Variants in TENM3 observed in about 807,000 individuals in gnomAD.
TENM3 encodes the protein teneurin-3.
Under a neutral mutation model 255.1 loss-of-function variants are expected in TENM3, and 63 were observed. That is an observed-to-expected ratio of 0.25 (90% CI 0.20 to 0.30). The LOEUF (loss-of-function observed/expected upper bound fraction) is 0.30, where lower values mean the gene tolerates loss of function less well. Ranked by LOEUF, TENM3 falls within the 10% of genes least tolerant of loss-of-function variation. The probability of loss-of-function intolerance (pLI) is 1.00; values close to 1 mark genes in which losing one functional copy is unlikely to be tolerated. For synonymous variants in TENM3, 1,306 were observed against 1,322.3 expected, an observed-to-expected ratio of 0.99 and a Z score of 0.27; for missense variants, 2,929 against 3,461.1, an observed-to-expected ratio of 0.85 and a Z score of 3.86.
chr4:182,326,389 A>G (rs913533289), intron 2 of TENM3, among the ~76,000 whole-genome samples: 3 of 152,148 alleles, frequency 2.0e-5, no homozygotes, highest in African/African-American at 7.2e-5. Flanking sequence ...ATGGCTCCTG[A>G]GAACTAAGCT....
chr4:182,413,913 T>C (rs1770187763), intron 3 of TENM3, among the ~76,000 whole-genome samples: 1 of 152,208 alleles, frequency 6.6e-6, no homozygotes, highest in South Asian at 2.1e-4. Context: ...AAACACTAAT[T>C]ATAACAAATA....
At chr4:182,080,993 A>G in the TENM3 span, among the ~76,000 whole-genome samples, 13 of 152,224 alleles carry the variant, frequency 8.5e-5, no homozygotes, top group South Asian at 2.7e-3. Flanking sequence ...CCTGTCTCAA[A>G]AAAAAACAAA....
the TENM3 span, among the ~76,000 whole-genome samples, chr4:181,622,878 C>A: frequency 1.3e-5 from 2 of 152,064 alleles, no homozygotes; most frequent in East Asian, 1.9e-4. Flanking sequence ...AGTCATTATG[C>A]CTCTAACTCT....
the TENM3 span, among the ~76,000 whole-genome samples, chr4:181,686,946 A>G: frequency 1.3e-5 from 2 of 151,994 alleles, no homozygotes; most frequent in Non-Finnish European, 2.9e-5. Context: ...TTCTTTGTAC[A>G]TTGTTCCATT....
chr4:182,255,763 A>G (rs1412591088), intron 1 of TENM3, among the ~76,000 whole-genome samples: 2 of 152,216 alleles, frequency 1.3e-5, no homozygotes, highest in African/African-American at 4.8e-5. Flanking sequence ...AGTGATCAAG[A>G]CTAGTTCTTT....
the TENM3 span, among the ~76,000 whole-genome samples, chr4:181,929,373 G>A: frequency 6.6e-6 from 1 of 151,496 alleles, no homozygotes; most frequent in Non-Finnish European, 1.5e-5. Context: ...AAAAGGAGGA[G>A]TTGCAATCCT....
the TENM3 span, among the ~76,000 whole-genome samples, chr4:181,570,281 A>G: frequency 6.6e-6 from 1 of 151,894 alleles, no homozygotes; most frequent in Non-Finnish European, 1.5e-5. Context: ...TCCTGACCTC[A>G]TGATCCACCC....
At chr4:181,962,359 CTG>C in the TENM3 span, among the ~76,000 whole-genome samples, 1 of 152,160 alleles carries the variant, frequency 6.6e-6, no homozygotes, top group Non-Finnish European at 1.5e-5. Context: ...GATCGGATCT[CTG>C]TGCTTTTTCT....
At chr4:181,941,565 C>A in the TENM3 span, among the ~76,000 whole-genome samples, 1 of 152,102 alleles carries the variant, frequency 6.6e-6, no homozygotes, top group Non-Finnish European at 1.5e-5. Flanking sequence ...TTTGTTTTAT[C>A]GCTTTAGTTA....
chr4:181,919,822 T>C, the TENM3 span, among the ~76,000 whole-genome samples: 2 of 151,442 alleles, frequency 1.3e-5, no homozygotes, highest in Admixed American at 1.3e-4. Flanking sequence ...CATGCTGGTG[T>C]GCTGCACCCA....
chr4:182,755,434 G>C, intron 22 of TENM3, 175 bp downstream of exon 22: 1 of 601,432 alleles, frequency 1.7e-6, no homozygotes, highest in Non-Finnish European at 2.8e-6. Context: ...CTCAGCTCCT[G>C]GGGAGGCTGA....
intron 1 of TENM3, among the ~76,000 whole-genome samples, chr4:182,170,889 T>G (rs963704738): frequency 6.6e-6 from 1 of 152,176 alleles, no homozygotes; most frequent in Non-Finnish European, 1.5e-5. Flanking sequence ...TGAGTTTTTT[T>G]TCTTTTCAAT....
the TENM3 span, among the ~76,000 whole-genome samples, chr4:181,760,324 A>T: frequency 2.6e-5 from 4 of 152,134 alleles, no homozygotes; most frequent in South Asian, 4.1e-4. Context: ...ATTCCCCTTA[A>T]ACATGACACT....
intron 1 of TENM3, among the ~76,000 whole-genome samples, chr4:182,288,212 A>C (rs562815425): frequency 1.9e-4 from 29 of 152,268 alleles, no homozygotes; most frequent in African/African-American, 7.0e-4. Flanking sequence ...CTGGGATTAC[A>C]GGCATGAGCC....
At chr4:182,720,764 C>T (rs1759654653) in intron 13 of TENM3, among the ~76,000 whole-genome samples, 1 of 133,180 alleles carries the variant, frequency 7.5e-6, no homozygotes, top group African/African-American at 2.6e-5. Flanking sequence ...AAAGTCTCCC[C>T]TCTTTTTTTT....
chr4:182,101,385 T>C, the TENM3 span, among the ~76,000 whole-genome samples: 2 of 151,840 alleles, frequency 1.3e-5, no homozygotes, highest in South Asian at 4.2e-4. Context: ...GGAAGGAATC[T>C]TCAATAGTTA....
chr4:181,770,104 G>A, the TENM3 span, among the ~76,000 whole-genome samples: 1 of 152,140 alleles, frequency 6.6e-6, no homozygotes, highest in Non-Finnish European at 1.5e-5. Context: ...TTTGGGGCTG[G>A]GGGGTTAGTG....
the TENM3 span, among the ~76,000 whole-genome samples, chr4:181,919,448 G>C: frequency 2.0e-5 from 3 of 150,722 alleles, no homozygotes; most frequent in Admixed American, 2.0e-4. Flanking sequence ...GGAGGTTTTC[G>C]TTTGACCCTG....
chr4:181,754,797 AT>A, the TENM3 span, among the ~76,000 whole-genome samples: 3 of 152,176 alleles, frequency 2.0e-5, no homozygotes, highest in Non-Finnish European at 2.9e-5. Flanking sequence ...TAATTGTCTC[AT>A]AGCAATCCAT....
Sources: allele counts gnomAD v4.1 joint callset (sites outside exome capture counted in the v4.1 genomes callset), GRCh38; gene constraint gnomAD v4.1.1; transcripts MANE v1.5; gene names NCBI Gene and HGNC (gene_info 2026-07-23, HGNC 2026-07-21).